Variants in PTPRT observed in about 807,000 individuals in gnomAD.
The protein encoded by PTPRT is receptor-type tyrosine-protein phosphatase T.
In PTPRT, 56 loss-of-function variants were observed where a neutral mutation model predicts 176.8. The ratio of observed to expected loss-of-function variants is 0.32; its 90% CI spans 0.26 to 0.40. The LOEUF (loss-of-function observed/expected upper bound fraction) is 0.40, where lower values mean the gene tolerates loss of function less well. Among genes scored for constraint, PTPRT ranks in the 10% least tolerant of loss-of-function variants. The probability of loss-of-function intolerance (pLI) is 1.00; values close to 1 mark genes in which losing one functional copy is unlikely to be tolerated. For missense variants in PTPRT, 1,540 were observed against 1,908.2 expected (o/e 0.81, Z 3.60); for synonymous variants, 783 against 739.0 (o/e 1.06, Z -0.96).
chr20:42,086,783 C>T (rs961865914), intron 27 of PTPRT, among the ~76,000 whole-genome samples: 3 of 124,344 alleles, frequency 2.4e-5, no homozygotes, highest in Admixed American at 8.1e-5. Context: ...TGACCTCAGG[C>T]GGCCTTGGGT....
At chr20:42,427,955 T>A (rs1330925848) in intron 9 of PTPRT, among the ~76,000 whole-genome samples, 1 of 152,168 alleles carries the variant, frequency 6.6e-6, no homozygotes, top group Non-Finnish European at 1.5e-5. Context: ...TCCATTACCT[T>A]CCCAAATCCT....
At chr20:42,677,586 A>C (rs189557541) in intron 7 of PTPRT, among the ~76,000 whole-genome samples, 3 of 152,290 alleles carry the variant, frequency 2.0e-5, no homozygotes, top group East Asian at 1.9e-4. Flanking sequence ...AAACACTATT[A>C]GATCCAGGAA....
intron 9 of PTPRT, among the ~76,000 whole-genome samples, chr20:42,442,812 T>C (rs2059328764): frequency 6.6e-6 from 1 of 152,208 alleles, no homozygotes; most frequent in Non-Finnish European, 1.5e-5. Flanking sequence ...TGAATGATTT[T>C]ATTGAAGGGT....
intron 7 of PTPRT, among the ~76,000 whole-genome samples, chr20:42,624,005 C>CAAAAAAAAAAAACA (rs1159094345): frequency 7.4e-6 from 1 of 135,686 alleles, no homozygotes; most frequent in African/African-American, 3.2e-5. Context: ...AAAACAATAG[C>CAAAAAAAAAAAACA]AACAAACAAA....
intron 7 of PTPRT, among the ~76,000 whole-genome samples, chr20:42,670,034 T>C (rs1170473737): frequency 1.3e-5 from 2 of 152,096 alleles, no homozygotes; most frequent in African/African-American, 2.4e-5. Context: ...CTCCACAACA[T>C]GCACACAGCC....
intron 1 of PTPRT, among the ~76,000 whole-genome samples, chr20:43,157,457 G>A (rs1164419478): frequency 6.6e-6 from 1 of 152,078 alleles, no homozygotes; most frequent in African/African-American, 2.4e-5. Context: ...ATATAATAAA[G>A]TACACTGTAA....
chr20:42,588,157 G>A (rs977452864), intron 7 of PTPRT, among the ~76,000 whole-genome samples: 3 of 152,094 alleles, frequency 2.0e-5, no homozygotes, highest in Admixed American at 2.0e-4. Flanking sequence ...AAATGTGGCT[G>A]GTACAGCCGG....
In PTPRT at chr20:42,077,346, G is replaced by A. The variant is rs538175408; in HGVS notation, c.*3533C>T. Reference sequence around the variant, plus strand: ...CTAAGATACATCCTGAAGCTATTTAGGCCATAAACACAGGTGGAGAAATTT... The same window carrying A: ...CTAAGATACATCCTGAAGCTATTTAAGCCATAAACACAGGTGGAGAAATTT... On this transcript the variant is annotated 3_prime_UTR_variant, in exon 31 of 31. Coordinates refer to ENST00000373187, the MANE Select transcript of PTPRT (RefSeq NM_007050.6). 3 of 205,938 alleles carry A rather than the reference G, an allele frequency of 1.5e-5. No homozygotes were observed. Among genetic ancestry groups the A allele is most frequent in the East Asian group, 7.3e-5 (1 of 13,630 alleles). The allele number at this position is 205,938 out of a possible 1,614,324, so 12.8% of individuals were successfully genotyped here. A position where few individuals can be genotyped will look rare whatever the true frequency, so the allele number is the denominator to read the frequency against.
chr20:42,916,737 G>GTT (rs1354187911), intron 1 of PTPRT, among the ~76,000 whole-genome samples: 3 of 151,912 alleles, frequency 2.0e-5, no homozygotes, highest in African/African-American at 7.3e-5. Flanking sequence ...ATTTTTTCAT[G>GTT]TTTTTTTTGA....
At chr20:43,181,669 T>C (rs912921288) in intron 1 of PTPRT, among the ~76,000 whole-genome samples, 1 of 152,152 alleles carries the variant, frequency 6.6e-6, no homozygotes, top group Non-Finnish European at 1.5e-5. Context: ...TTCTTTTCTA[T>C]CCCTAATGCC....
intron 9 of PTPRT, among the ~76,000 whole-genome samples, chr20:42,369,870 A>G (rs567911903): frequency 1.3e-5 from 2 of 152,268 alleles, no homozygotes; most frequent in East Asian, 3.9e-4. Flanking sequence ...ATTTTGAGGG[A>G]TGTTGTGTTT....
chr20:42,382,113 AC>A (rs1289660655), intron 9 of PTPRT, among the ~76,000 whole-genome samples: 4 of 152,184 alleles, frequency 2.6e-5, no homozygotes, highest in Admixed American at 2.0e-4. Context: ...CAAGCTTTGC[AC>A]CCCATTTACA....
chr20:42,796,558 A>C (rs1434429451), intron 2 of PTPRT, among the ~76,000 whole-genome samples: 1 of 152,258 alleles, frequency 6.6e-6, no homozygotes, highest in Non-Finnish European at 1.5e-5. Flanking sequence ...TTTCTACCGC[A>C]GACAACTCTG....
intron 2 of PTPRT, among the ~76,000 whole-genome samples, chr20:42,808,056 C>T (rs1682131319): frequency 6.6e-6 from 1 of 152,162 alleles, no homozygotes; most frequent in South Asian, 2.1e-4. Context: ...GAGAGCTGCA[C>T]ATCCAGCAAC....
chr20:42,405,735 A>G (rs2058955252), intron 9 of PTPRT, among the ~76,000 whole-genome samples: 1 of 152,138 alleles, frequency 6.6e-6, no homozygotes, highest in Non-Finnish European at 1.5e-5. Context: ...GTCAAATGGT[A>G]TTTCTAGTTC....
intron 6 of PTPRT, among the ~76,000 whole-genome samples, chr20:42,721,592 G>C (rs1375404702): frequency 6.6e-6 from 1 of 152,232 alleles, no homozygotes; most frequent in Admixed American, 6.5e-5. Flanking sequence ...CAGGTTAGGG[G>C]AAGAGGGTCA....
At chr20:42,736,047 A>G (rs1001658540) in intron 6 of PTPRT, among the ~76,000 whole-genome samples, 4 of 152,164 alleles carry the variant, frequency 2.6e-5, no homozygotes, top group Admixed American at 2.6e-4. Context: ...AGTGCCACCA[A>G]CTGAGCTCCT....
At chr20:43,086,890 T>C (rs910240351) in intron 1 of PTPRT, among the ~76,000 whole-genome samples, 1 of 152,200 alleles carries the variant, frequency 6.6e-6, no homozygotes, top group Non-Finnish European at 1.5e-5. Flanking sequence ...GGAATGTCAC[T>C]GGTTTTATTT....
chr20:43,015,989 CCT>C (rs1196363858), intron 1 of PTPRT, among the ~76,000 whole-genome samples: 1 of 152,038 alleles, frequency 6.6e-6, no homozygotes, highest in African/African-American at 2.4e-5. Flanking sequence ...CGACATGTCC[CCT>C]CTCTCAGAAT....
Sources: gnomAD v4.1 joint callset for allele counts (sites outside exome capture counted in the v4.1 genomes callset) on GRCh38, gnomAD v4.1.1 for gene constraint, MANE v1.5 for transcripts, NCBI Gene and HGNC (gene_info 2026-07-23, HGNC 2026-07-21) for gene names.